The following MCM6 variants were observed in gnomAD, a reference collection of about 807,000 sequenced individuals.
MCM6 encodes the protein minichromosome maintenance complex component 6.
A neutral mutation model predicts 94.3 loss-of-function variants in MCM6; 46 were observed. The ratio of observed to expected loss-of-function variants is 0.49; its 90% CI spans 0.39 to 0.62. The LOEUF is 0.62. Among genes scored for constraint, MCM6 ranks in the 20% least tolerant of loss-of-function variants. The probability of loss-of-function intolerance (pLI) is 0.00; values close to 1 mark genes in which losing one functional copy is unlikely to be tolerated. For missense variants in MCM6, 865 were observed against 1,017.9 expected (o/e 0.85, Z 2.04); for synonymous variants, 335 against 351.9 (o/e 0.95, Z 0.54).
intron 7 of MCM6, among the ~76,000 whole-genome samples, chr2:135,863,809 A>C (rs1207821143): frequency 6.6e-6 from 1 of 150,598 alleles, no homozygotes; most frequent in Non-Finnish European, 1.5e-5. Flanking sequence ...TCTCTGACTT[A>C]TATTTAGATA....
At position 135,852,813 on chromosome 2, in the gene MCM6, G is replaced by A. The variant is rs368241752; in HGVS notation, c.1729C>T (p.Leu577Phe). The change falls in exon 12 of 17, where the codon CTC becomes TTC. Residue 577 changes from leucine (L) to phenylalanine (F), a missense_variant. Transcript: ENST00000264156. ...TTGGGTTTAAACTGTCTTGCAAAGA[G>A]AAGATATCTTCTGATATCATCGAGG... Reference protein sequence around the residue: ...YSLDDIRRYLLFARQFKPKIS... With the variant: ...YSLDDIRRYLFFARQFKPKIS... 4.4e-6 allele frequency: 7 copies of A among 1,604,284 alleles called. No individual in the cohort carries two copies. Among genetic ancestry groups the A allele is most frequent in the Non-Finnish European group, 6.0e-6 (7 of 1,176,198 alleles).
intron 8 of MCM6, among the ~76,000 whole-genome samples, chr2:135,861,423 A>G (rs1679990712): frequency 1.3e-5 from 2 of 152,206 alleles, no homozygotes; most frequent in Admixed American, 1.3e-4. Flanking sequence ...CATAACACAT[A>G]TACAGCACTG....
chr2:135,852,674 AT>A, intron 12 of MCM6, 112 bp downstream of exon 12: 1 of 787,916 alleles, frequency 1.3e-6, no homozygotes, highest in Non-Finnish European at 1.8e-6. Context: ...AAGTTGTAAA[AT>A]TTAGGAACTA....
At chr2:135,874,078 TTTA>T (rs1455573661) in intron 1 of MCM6, among the ~76,000 whole-genome samples, 1 of 152,232 alleles carries the variant, frequency 6.6e-6, no homozygotes, top group African/African-American at 2.4e-5. Flanking sequence ...TGAATTAAAG[TTTA>T]TTTTGTGACA....
In MCM6 at chr2:135,856,871, C is replaced by A. The variant is rs759786957; in HGVS notation, c.1483G>T (p.Ala495Ser). The change falls in exon 11 of 17, where the codon GCC becomes TCC. Residue 495 changes from alanine to serine, a missense_variant. By Grantham distance (99) the Ala-to-Ser change is moderately conservative. Transcript: ENST00000264156. ...TKAGVKATLN[A>S]RTSILAAANP... ...GCTGCTGCCAAAATGGACGTCCGGG[C>A]GTTCAGAGTAGCCTGACCACAAAAG... The A allele has an allele frequency of 2.5e-6, 4 of 1,613,532 alleles. No individual in the cohort carries two copies. The African/African-American group carries it at 4.0e-5, about 16-fold the overall frequency.
intron 13 of MCM6, among the ~76,000 whole-genome samples, chr2:135,849,599 C>T (rs1254090324): frequency 2.6e-5 from 4 of 152,170 alleles, no homozygotes; most frequent in African/African-American, 9.7e-5. Flanking sequence ...TGCGCTGGAA[C>T]TAGCCCTACA....
rs560524153 is a variant in MCM6 at position 135,846,356 on chromosome 2, T to C, written c.2090A>G (p.Asn697Ser). 30 of 1,614,056 alleles carry C rather than the reference T, an allele frequency of 1.9e-5. No homozygotes were observed. The highest frequency in any genetic ancestry group is 2.2e-5 in the Non-Finnish European group (26 of 1,180,026). ...ADSPAPVNGI[N>S]GYNEDINQES... Reference sequence around the variant, plus strand: ...TTGATTTATGTCTTCATTGTAGCCATTGATCCCGTTCACAGGAGCAGGGCT... The same window carrying C: ...TTGATTTATGTCTTCATTGTAGCCACTGATCCCGTTCACAGGAGCAGGGCT... The change falls in exon 15 of 17, where the codon AAT becomes AGT. Residue 697 changes from asparagine (N) to serine (S), a missense_variant. Asn to Ser is a conservative substitution (Grantham distance 46). This residue lies in a region of MCM6 where 308 missense variants were observed against 324.5 expected (regional missense o/e 0.95). Coordinates refer to ENST00000264156, the MANE Select transcript of MCM6 (RefSeq NM_005915.6).
chr2:135,845,359 G>T (rs983314618), intron 15 of MCM6, among the ~76,000 whole-genome samples: 3 of 152,146 alleles, frequency 2.0e-5, no homozygotes, highest in African/African-American at 7.2e-5. Flanking sequence ...ACTTGTATGA[G>T]GGAGAAAGAG....
chr2:135,874,512 C>T (rs1158940815), intron 1 of MCM6, among the ~76,000 whole-genome samples: 1 of 152,120 alleles, frequency 6.6e-6, no homozygotes, highest in African/African-American at 2.4e-5. Context: ...CAGCATTATT[C>T]ACAATAGCCA....
At chr2:135,866,497 G>A in intron 5 of MCM6, 66 bp downstream of exon 5, 1 of 1,505,626 alleles carries the variant, frequency 6.6e-7, no homozygotes, top group South Asian at 1.3e-5. Context: ...TGAAGATGTG[G>A]GAAGCTAGAT....
At chr2:135,845,111 C>T (rs891055778) in intron 15 of MCM6, among the ~76,000 whole-genome samples, 4 of 152,124 alleles carry the variant, frequency 2.6e-5, no homozygotes, top group African/African-American at 7.2e-5. Flanking sequence ...AAGGGGAAGG[C>T]TTTATGGAAC....
intron 16 of MCM6, among the ~76,000 whole-genome samples, chr2:135,844,242 G>A (rs1283318732): frequency 6.6e-6 from 1 of 152,080 alleles, no homozygotes; most frequent in Non-Finnish European, 1.5e-5. Flanking sequence ...AACATAGAAA[G>A]TAGGTGACAG....
chr2:135,842,480 G>A (rs1679593514), intron 16 of MCM6, among the ~76,000 whole-genome samples: 1 of 152,208 alleles, frequency 6.6e-6, no homozygotes, highest in Non-Finnish European at 1.5e-5. Flanking sequence ...ATTTGATCCT[G>A]CTATGTGCCA....
chr2:135,851,282 A>G (rs1679775579), intron 13 of MCM6, 120 bp downstream of exon 13: 1 of 745,334 alleles, frequency 1.3e-6, no homozygotes, highest in African/African-American at 1.7e-5. Flanking sequence ...TCGTATGAGC[A>G]TTCAACAGTT....
intron 10 of MCM6, 70 bp from the exon 11 acceptor site, chr2:135,856,953 C>A: frequency 7.3e-7 from 1 of 1,363,070 alleles, no homozygotes; most frequent in South Asian, 1.4e-5. Context: ...ACAACATGTT[C>A]AATCTCACCC....
intron 16 of MCM6, among the ~76,000 whole-genome samples, chr2:135,843,856 G>T (rs1679624970): frequency 6.6e-6 from 1 of 152,040 alleles, no homozygotes; most frequent in Non-Finnish European, 1.5e-5. Flanking sequence ...TTGTAGGAGT[G>T]ATCAACTGTG....
At chr2:135,842,060 A>G (rs560173509) in intron 16 of MCM6, among the ~76,000 whole-genome samples, 1 of 152,142 alleles carries the variant, frequency 6.6e-6, no homozygotes, top group African/African-American at 2.4e-5. Flanking sequence ...AGCTGAGATC[A>G]TGCTACTGCA....
Position 135,847,965 on chromosome 2 carries a change from C to T in MCM6, c.2053+88G>A, listed in dbSNP as rs1575358689. On this transcript the variant is annotated intron_variant, in intron 14 of 16. Transcript: ENST00000264156. The stretch of plus-strand genomic sequence containing the variant: ...CCGTTTTGCTACCATAGACTATTAG[C>T]CAACAGCAGGTGTACTTCTACCACA... 5.3e-6 allele frequency: 5 copies of T among 948,732 alleles called. 1 individual carries two copies. The East Asian group carries it at 1.2e-4, about 23-fold the overall frequency. The allele number at this position is 948,732 out of a possible 1,614,324, so 58.8% of individuals were successfully genotyped here.
chr2:135,844,867 C>T (rs4988268), intron 15 of MCM6, among the ~76,000 whole-genome samples, 183 bp from the exon 16 acceptor site: 2 of 152,170 alleles, frequency 1.3e-5, no homozygotes, highest in East Asian at 3.8e-4. Flanking sequence ...CAAGTCATAT[C>T]ACTTGTATTA....
Sources: gnomAD v4.1 joint callset for allele counts (sites outside exome capture counted in the v4.1 genomes callset) on GRCh38, gnomAD v4.1.1 for gene constraint, gnomAD v4.1.1 regional missense constraint, MANE v1.5 for transcripts, NCBI Gene and HGNC (gene_info 2026-07-23, HGNC 2026-07-21) for gene names.